The following CHM variants were observed in gnomAD, a reference collection of about 807,000 sequenced individuals.
The protein encoded by CHM is CHM Rab escort protein.
Under a neutral mutation model 49.0 loss-of-function variants are expected in CHM, and 10 were observed. The observed-to-expected ratio is 0.20, with a 90% CI of 0.13 to 0.35. CHM has a LOEUF of 0.35. Ranked by LOEUF, CHM falls within the 10% of genes least tolerant of loss-of-function variation. The pLI is 1.00. For synonymous variants in CHM, 184 were observed against 167.5 expected, an observed-to-expected ratio of 1.10 and a Z score of -0.76; for missense variants, 455 against 478.4, an observed-to-expected ratio of 0.95 and a Z score of 0.46.
intron 8 of CHM, among the ~76,000 whole-genome samples, chrX:85,945,156 G>A (rs1929331328): frequency 9.0e-6 from 1 of 110,800 alleles, no homozygotes; most frequent in Admixed American, 9.6e-5. Flanking sequence ...AGAAGGGTGA[G>A]GACTGAGAAA....
At chrX:85,886,544 A>C (rs1925097736) in intron 12 of CHM, among the ~76,000 whole-genome samples, 1 of 111,742 alleles carries the variant, frequency 8.9e-6, no homozygotes, top group Non-Finnish European at 1.9e-5. Context: ...GATACATAAA[A>C]TAAACACAGG....
chrX:85,896,399 G>A (rs1487536336), intron 11 of CHM, among the ~76,000 whole-genome samples: 1 of 111,231 alleles, frequency 9.0e-6, no homozygotes, highest in Non-Finnish European at 1.9e-5. Flanking sequence ...TTGAAGAGAT[G>A]TCAGAGAGGG....
intron 2 of CHM, among the ~76,000 whole-genome samples, chrX:86,019,992 G>A (rs754936481): frequency 4.5e-5 from 5 of 110,261 alleles, no homozygotes; most frequent in Non-Finnish European, 7.6e-5. Context: ...AGACAGATGA[G>A]ATTAAAGATA....
intron 2 of CHM, among the ~76,000 whole-genome samples, chrX:86,008,663 T>A (rs12846295): frequency 0.28 from 30,341 of 110,175 alleles, 3,544 homozygotes; most frequent in Admixed American, 0.39. Flanking sequence ...GCTAAAAAAA[T>A]TTTCTAGTGG....
chrX:85,913,014 G>GAAAAAAAAAAA (rs755460793), intron 8 of CHM, among the ~76,000 whole-genome samples: 2 of 38,246 alleles, frequency 5.2e-5, no homozygotes, highest in East Asian at 1.2e-3. Context: ...CTCCATCTCA[G>GAAAAAAAAAAA]AAAAAAAAAA....
intron 8 of CHM, among the ~76,000 whole-genome samples, chrX:85,943,127 A>G (rs1216121780): frequency 9.1e-6 from 1 of 110,260 alleles, no homozygotes; most frequent in African/African-American, 3.3e-5. Flanking sequence ...AACTACCATC[A>G]GAGTGAACAG....
In CHM at chrX:85,957,937, T is replaced by C. The variant is rs2147665796; in HGVS notation, c.858A>G (p.Gln286=). 2 of 1,210,963 alleles carry C rather than the reference T, an allele frequency of 1.7e-6. No homozygotes were observed. The highest frequency in any genetic ancestry group is 2.2e-6 in the Non-Finnish European group (2 of 894,902). The part of the protein sequence containing the change: ...CSRADVFNSK[Q]LTMVEKRMLM... Reference sequence around the variant, plus strand: ...GCATTCGCTTTTCTACCATAGTAAGTTGTTTGCTATTAAAGACATCTGCTC... The same window carrying C: ...GCATTCGCTTTTCTACCATAGTAAGCTGTTTGCTATTAAAGACATCTGCTC... The change falls in exon 7 of 15, where the codon CAA becomes CAG. Residue 286 remains glutamine (Q), a synonymous_variant. Transcript: ENST00000357749.
At chrX:85,916,646 C>T (rs1327158952) in intron 8 of CHM, among the ~76,000 whole-genome samples, 2 of 112,085 alleles carry the variant, frequency 1.8e-5, no homozygotes, top group Non-Finnish European at 1.9e-5. Context: ...TATGAACACA[C>T]ACTTTTCAAA....
At chrX:86,027,212 T>C (rs192924815) in intron 2 of CHM, 23 of 320,077 alleles carry the variant, frequency 7.2e-5, no homozygotes, top group African/African-American at 5.1e-4. Context: ...TCTTGGAGAA[T>C]TACTTGTTAT....
intron 14 of CHM, among the ~76,000 whole-genome samples, chrX:85,869,166 C>T (rs1162220633): frequency 9.0e-6 from 1 of 111,384 alleles, no homozygotes; most frequent in Non-Finnish European, 1.9e-5. Flanking sequence ...AGTACATACG[C>T]CACACTACAC....
chrX:85,902,766 C>T (rs1455332973), intron 9 of CHM, among the ~76,000 whole-genome samples: 1 of 111,915 alleles, frequency 8.9e-6, no homozygotes, highest in Non-Finnish European at 1.9e-5. Context: ...ACACAAAGTG[C>T]TTCAGGCAAT....
intron 2 of CHM, among the ~76,000 whole-genome samples, chrX:86,004,165 C>T (rs757990999): frequency 1.8e-5 from 2 of 111,571 alleles, no homozygotes; most frequent in South Asian, 3.7e-4. Flanking sequence ...CCAAAGTAAC[C>T]TTCATAAATG....
intron 8 of CHM, among the ~76,000 whole-genome samples, chrX:85,933,738 T>A (rs1265476278): frequency 9.0e-6 from 1 of 111,576 alleles, no homozygotes; most frequent in Non-Finnish European, 1.9e-5. Flanking sequence ...TGAAAAGAGA[T>A]TTACTTAAGA....
At chrX:85,938,136 AG>A (rs1928894953) in intron 8 of CHM, among the ~76,000 whole-genome samples, 1 of 112,031 alleles carries the variant, frequency 8.9e-6, no homozygotes, top group South Asian at 3.7e-4. Context: ...AAAAAAATGA[AG>A]ATTATTGAGT....
At chrX:85,963,609 G>T (rs1489031887) in intron 5 of CHM, 56 bp downstream of exon 5, 1 of 1,042,204 alleles carries the variant, frequency 9.6e-7, no homozygotes, top group Non-Finnish European at 1.3e-6. Flanking sequence ...ACAAAAACTG[G>T]GTTTATGGGC....
rs911427568 is a variant in CHM, at chrX:85,924,293, G to A, written c.1167-12955C>T. 3.6e-5 allele frequency among the ~76,000 whole-genome samples: 4 copies of A among 111,310 alleles called. No homozygotes were observed. In the Admixed American group the frequency reaches 3.8e-4, roughly 11 times the overall value. On this transcript the variant is annotated intron_variant, in intron 8 of 14. Coordinates refer to ENST00000357749, the MANE Select transcript of CHM (RefSeq NM_000390.4). The stretch of plus-strand genomic sequence containing the variant: ...ATGGCAGTGCACATGAAGAAGTGGA[G>A]AGGCTGGGGACATATATAAGACATC...
chrX:85,948,116 C>T (rs1929516388), intron 8 of CHM, among the ~76,000 whole-genome samples: 1 of 111,774 alleles, frequency 8.9e-6, no homozygotes, highest in East Asian at 2.8e-4. Flanking sequence ...ACTGATACTG[C>T]TCCAATTAAC....
chrX:85,942,466 T>G (rs1039906160), intron 8 of CHM, among the ~76,000 whole-genome samples: 1 of 111,876 alleles, frequency 8.9e-6, no homozygotes, highest in African/African-American at 3.2e-5. Context: ...TATGGACTTC[T>G]TTTATGAAGA....
chrX:86,027,380 T>C, intron 2 of CHM, 111 bp downstream of exon 2: 1 of 609,018 alleles, frequency 1.6e-6, no homozygotes, highest in South Asian at 2.5e-5. Flanking sequence ...TAAGTTTATG[T>C]ATGATATACA....
Sources: allele counts gnomAD v4.1 joint callset (sites outside exome capture counted in the v4.1 genomes callset), GRCh38; gene constraint gnomAD v4.1.1; transcripts MANE v1.5; gene names NCBI Gene and HGNC (gene_info 2026-07-23, HGNC 2026-07-21).